The following TENM3 variants were observed in gnomAD, a reference collection of about 807,000 sequenced individuals.
TENM3 encodes teneurin-3.
TENM3 carries 63 observed loss-of-function variants against 255.1 expected under a neutral mutation model. The observed-to-expected ratio is 0.25, with a 90% CI of 0.20 to 0.30. The LOEUF is 0.30. TENM3 is among the 10% of genes least tolerant of loss of function. The pLI is 1.00. For synonymous variants in TENM3, 1,306 were observed against 1,322.3 expected (o/e 0.99, Z 0.27); for missense variants, 2,929 against 3,461.1 (o/e 0.85, Z 3.86).
chr4:181,905,874 C>A, the TENM3 span: 1 of 487,874 alleles, frequency 2.0e-6, no homozygotes. Context: ...ATCTTCACAG[C>A]CTTTCCTCTT....
the TENM3 span, among the ~76,000 whole-genome samples, chr4:181,524,563 G>T: frequency 4.6e-5 from 7 of 152,124 alleles, no homozygotes; most frequent in African/African-American, 1.7e-4. Context: ...ATTCTTATCT[G>T]TATCTCTCAG....
At chr4:181,911,203 T>G in the TENM3 span, among the ~76,000 whole-genome samples, 1 of 152,222 alleles carries the variant, frequency 6.6e-6, no homozygotes, top group South Asian at 2.1e-4. Flanking sequence ...GAAACCTGCC[T>G]GCATTCTTCA....
the TENM3 span, among the ~76,000 whole-genome samples, chr4:182,116,755 T>C: frequency 6.6e-6 from 1 of 152,362 alleles, no homozygotes; most frequent in African/African-American, 2.4e-5. Flanking sequence ...GTTTTTAGCA[T>C]TGAATAATAT....
At chr4:181,798,284 C>T in the TENM3 span, among the ~76,000 whole-genome samples, 2 of 151,944 alleles carry the variant, frequency 1.3e-5, no homozygotes, top group Non-Finnish European at 2.9e-5. Context: ...TTCTTGCTTT[C>T]TTCCTTTTCT....
chr4:182,695,917 G>A (rs1258343369), intron 12 of TENM3, among the ~76,000 whole-genome samples: 1 of 152,052 alleles, frequency 6.6e-6, no homozygotes, highest in Non-Finnish European at 1.5e-5. Flanking sequence ...GTGTTTGTAG[G>A]GTATAAGTCT....
chr4:181,690,133 C>T, the TENM3 span, among the ~76,000 whole-genome samples: 1 of 152,100 alleles, frequency 6.6e-6, no homozygotes, highest in South Asian at 2.1e-4. Flanking sequence ...CACCTGCTTT[C>T]CCTGTTCAAA....
At chr4:181,734,692 A>G in the TENM3 span, among the ~76,000 whole-genome samples, 1 of 152,230 alleles carries the variant, frequency 6.6e-6, no homozygotes, top group African/African-American at 2.4e-5. Context: ...GCACAGAAAA[A>G]GAATTCTCTG....
the TENM3 span, among the ~76,000 whole-genome samples, chr4:182,087,552 A>ACAG: frequency 6.6e-6 from 1 of 152,182 alleles, no homozygotes; most frequent in African/African-American, 2.4e-5. Context: ...CAGGTTGAAG[A>ACAG]CAGCATTAAT....
intron 3 of TENM3, among the ~76,000 whole-genome samples, chr4:182,361,615 A>T (rs1765989720): frequency 6.6e-6 from 1 of 151,600 alleles, no homozygotes; most frequent in Non-Finnish European, 1.5e-5. Context: ...CTAGTTATAC[A>T]TTCGTCTAAA....
the TENM3 span, among the ~76,000 whole-genome samples, chr4:182,048,004 G>A: frequency 0.024 from 3,688 of 152,162 alleles, 154 homozygotes; most frequent in African/African-American, 0.082. Context: ...AGGAGTTTGT[G>A]GTTGCCATGC....
chr4:181,482,266 C>T, the TENM3 span, among the ~76,000 whole-genome samples: 6 of 152,108 alleles, frequency 3.9e-5, no homozygotes, highest in African/African-American at 1.4e-4. Context: ...CCTTTCTACA[C>T]TTAGGCCGAA....
chr4:181,949,660 C>A, the TENM3 span, among the ~76,000 whole-genome samples: 217 of 152,290 alleles, frequency 1.4e-3, no homozygotes, highest in Middle Eastern at 6.8e-3. Flanking sequence ...TCCAAGCCTG[C>A]CATTCTCTAC....
At chr4:182,781,851 T>C (rs1561244776) in intron 24 of TENM3, among the ~76,000 whole-genome samples, 2 of 151,554 alleles carry the variant, frequency 1.3e-5, no homozygotes, top group Non-Finnish European at 2.9e-5. Flanking sequence ...TAGAGGTGTT[T>C]GTAGTATTCT....
At chr4:181,888,496 A>ATATG in the TENM3 span, among the ~76,000 whole-genome samples, 4 of 24,712 alleles carry the variant, frequency 1.6e-4, no homozygotes, top group African/African-American at 3.5e-4. Context: ...AGAAATGTGT[A>ATATG]TATATATATA....
At chr4:182,646,401 G>T (rs1581200947) in intron 5 of TENM3, among the ~76,000 whole-genome samples, 1 of 152,152 alleles carries the variant, frequency 6.6e-6, no homozygotes, top group East Asian at 1.9e-4. Flanking sequence ...GTACTCTTGA[G>T]ATGTAAACAG....
chr4:182,068,551 T>C, the TENM3 span, among the ~76,000 whole-genome samples: 1 of 151,940 alleles, frequency 6.6e-6, no homozygotes, highest in East Asian at 1.9e-4. Context: ...GCAAATGAAA[T>C]ATGAAAAAAA....
At chr4:181,779,030 G>C in the TENM3 span, among the ~76,000 whole-genome samples, 1 of 152,106 alleles carries the variant, frequency 6.6e-6, no homozygotes. Flanking sequence ...CTGAAGTGAG[G>C]CATATCCAGC....
In TENM3 at chr4:182,211,431, C is replaced by T. The variant is rs931764357; in HGVS notation, c.-76+66677C>T. On this transcript the variant is annotated intron_variant, in intron 1 of 2. Transcript: ENST00000512480. ...TATGTCTTCTATTTATGCGGTGGCT[C>T]GCTTTTCTATTTGAAAATTGCTTAA... 2.6e-5 allele frequency among the ~76,000 whole-genome samples: 4 copies of T among 152,050 alleles called. No individual in the cohort carries two copies. In the East Asian group the frequency reaches 7.7e-4, roughly 29 times the overall value.
intron 1 of TENM3, among the ~76,000 whole-genome samples, chr4:182,260,205 A>G (rs1390750216): frequency 2.6e-5 from 4 of 152,188 alleles, no homozygotes. Context: ...ACATGGGAGC[A>G]CAGATCTCTC....
Sources: gnomAD v4.1 joint callset for allele counts (sites outside exome capture counted in the v4.1 genomes callset) on GRCh38, gnomAD v4.1.1 for gene constraint, MANE v1.5 for transcripts, NCBI Gene and HGNC (gene_info 2026-07-23, HGNC 2026-07-21) for gene names.